Variants in RUFY2 observed in about 807,000 individuals in gnomAD.
RUFY2 encodes RUN and FYVE domain-containing protein 2.
RUFY2 carries 49 observed loss-of-function variants against 94.4 expected under a neutral mutation model. That is an observed-to-expected ratio of 0.52 (90% CI 0.41 to 0.66). RUFY2 has a LOEUF of 0.66. RUFY2 is among the 30% of genes least tolerant of loss of function. The pLI is 0.00. For synonymous variants in RUFY2, 255 were observed against 235.7 expected (o/e 1.08, Z -0.75); for missense variants, 541 against 692.8 (o/e 0.78, Z 2.46).
intron 16 of RUFY2, among the ~76,000 whole-genome samples, chr10:68,354,426 T>G (rs1028512434): frequency 1.3e-5 from 2 of 152,300 alleles, no homozygotes; most frequent in Admixed American, 6.5e-5. Flanking sequence ...TCCTCCTGCC[T>G]TGGCCTCCCA....
chr10:68,362,181 G>T (rs898019135), intron 15 of RUFY2, among the ~76,000 whole-genome samples: 1 of 151,926 alleles, frequency 6.6e-6, no homozygotes, highest in Non-Finnish European at 1.5e-5. Flanking sequence ...AAAAAAATTA[G>T]CCAGGTATGG....
intron 15 of RUFY2, among the ~76,000 whole-genome samples, chr10:68,361,147 G>T (rs544699307): frequency 1.3e-5 from 2 of 151,284 alleles, no homozygotes; most frequent in Non-Finnish European, 2.9e-5. Flanking sequence ...GGTGGTGGGC[G>T]CCAGTAATCC....
Position 68,355,333 on chromosome 10 carries a change from T to C in RUFY2, c.1599+20A>G, listed in dbSNP as rs1349104805. 6.3e-6 allele frequency: 10 copies of C among 1,589,516 alleles called. No individual in the cohort carries two copies. In the African/African-American group the frequency reaches 6.7e-5, roughly 11 times the overall value. On this transcript the variant is annotated intron_variant, in intron 16 of 17. Transcript: ENST00000602465. ...GAGACTTTCACATACCTTCCCACTT[T>C]AGGAAAACGTTCTACTCACCTGCAA...
chr10:68,387,551 T>C (rs2049600498), intron 7 of RUFY2, among the ~76,000 whole-genome samples: 1 of 152,214 alleles, frequency 6.6e-6, no homozygotes, highest in Non-Finnish European at 1.5e-5. Context: ...TTTCCATTCA[T>C]ATTAAATCAT....
At chr10:68,395,444 T>C (rs371242533) in intron 4 of RUFY2, among the ~76,000 whole-genome samples, 60 of 152,198 alleles carry the variant, frequency 3.9e-4, no homozygotes, top group African/African-American at 1.4e-3. Flanking sequence ...TTTATTAGAG[T>C]TGAATTTTCA....
At chr10:68,387,134 A>T (rs2049563332) in intron 7 of RUFY2, among the ~76,000 whole-genome samples, 1 of 152,130 alleles carries the variant, frequency 6.6e-6, no homozygotes, top group Non-Finnish European at 1.5e-5. Context: ...AGGCAGGCAG[A>T]TCACCTGAAG....
rs906007209 is a variant in RUFY2, at chr10:68,407,261, C to A, written c.-72G>T. The A allele has an allele frequency of 5.1e-5, 63 of 1,226,230 alleles. No individual in the cohort carries two copies. The highest frequency in any genetic ancestry group is 6.2e-5 in the Non-Finnish European group (60 of 970,852). 76.0% of individuals were successfully genotyped at this position (1,226,230 alleles called of 1,614,324 possible). A position where few individuals can be genotyped will look rare whatever the true frequency, so the allele number is the denominator to read the frequency against. On this transcript the variant is annotated 5_prime_UTR_variant, in exon 1 of 18. Transcript: ENST00000602465. ...CCAGCAGCTCCTTCCAGGCGCTCGG[C>A]GGCCACCACCGCATCTGCAGCCAGG...
At chr10:68,367,589 G>A (rs1233938850) in intron 13 of RUFY2, among the ~76,000 whole-genome samples, 1 of 151,844 alleles carries the variant, frequency 6.6e-6, no homozygotes, top group Non-Finnish European at 1.5e-5. Context: ...CGAGCAGCTG[G>A]GGCTACAGGT....
intron 16 of RUFY2, among the ~76,000 whole-genome samples, chr10:68,349,767 T>G (rs1354752735): frequency 1.3e-5 from 2 of 152,064 alleles, no homozygotes; most frequent in Non-Finnish European, 2.9e-5. Flanking sequence ...CTCGATCTCC[T>G]GACCTCGTGA....
chr10:68,378,108 G>A (rs2048788202), intron 12 of RUFY2: 3 of 985,464 alleles, frequency 3.0e-6, no homozygotes, highest in Non-Finnish European at 3.6e-6. Flanking sequence ...CTGAGAAGCT[G>A]AAGCACAGGG....
chr10:68,393,819 C>A (rs917197541), intron 6 of RUFY2: 3 of 516,806 alleles, frequency 5.8e-6, no homozygotes, highest in East Asian at 9.1e-5. Context: ...TCCAAAAAAC[C>A]ACTATTAAAA....
At chr10:68,349,537 GAAAA>G (rs966904885) in intron 16 of RUFY2, among the ~76,000 whole-genome samples, 1 of 150,826 alleles carries the variant, frequency 6.6e-6, no homozygotes. Flanking sequence ...TTTTTTTAAA[GAAAA>G]AAAAATTTTT....
intron 15 of RUFY2, among the ~76,000 whole-genome samples, chr10:68,359,784 C>T (rs550784479): frequency 1.1e-3 from 165 of 147,612 alleles, no homozygotes; most frequent in Admixed American, 3.7e-3. Flanking sequence ...AGAACAACTC[C>T]GTCTCAAAAA....
At chr10:68,358,595 G>A (rs1368890436) in intron 15 of RUFY2, among the ~76,000 whole-genome samples, 2 of 152,166 alleles carry the variant, frequency 1.3e-5, no homozygotes, top group African/African-American at 4.8e-5. Context: ...AATTAAAGTG[G>A]CTTAATGATA....
chr10:68,396,941 C>T, intron 3 of RUFY2, 60 bp from the exon 4 acceptor site: 1 of 1,072,974 alleles, frequency 9.3e-7, no homozygotes, highest in Non-Finnish European at 1.4e-6. Flanking sequence ...CATCTTCTGT[C>T]TCTAGAGGTA....
At chr10:68,404,616 G>T in intron 2 of RUFY2, 55 bp downstream of exon 2, 1 of 1,315,644 alleles carries the variant, frequency 7.6e-7, no homozygotes, top group Non-Finnish European at 1.0e-6. Flanking sequence ...ATTCTCAAGG[G>T]CACTTGAAAA....
chr10:68,397,155 G>C (rs185336568), intron 3 of RUFY2, among the ~76,000 whole-genome samples: 2 of 152,120 alleles, frequency 1.3e-5, no homozygotes, highest in African/African-American at 2.4e-5. Flanking sequence ...AGAAAAATGC[G>C]TTGTTAGGTA....
At chr10:68,379,569 G>A in intron 11 of RUFY2, 48 bp from the exon 12 acceptor site, 1 of 1,254,380 alleles carries the variant, frequency 8.0e-7, no homozygotes, top group Non-Finnish European at 1.2e-6. Flanking sequence ...GTGTGTGTGT[G>A]TTTGTGTGTG....
chr10:68,378,649 T>C (rs2048824468), intron 12 of RUFY2: 1 of 1,612,672 alleles, frequency 6.2e-7, no homozygotes, highest in Non-Finnish European at 8.5e-7. Context: ...TTGTCCTAGT[T>C]TGAGTTAACA....
Sources: allele counts gnomAD v4.1 joint callset (sites outside exome capture counted in the v4.1 genomes callset), GRCh38; gene constraint gnomAD v4.1.1; transcripts MANE v1.5; gene names NCBI Gene and HGNC (gene_info 2026-07-23, HGNC 2026-07-21).